The following CNTN5 variants were observed in gnomAD, a reference collection of about 807,000 sequenced individuals.
The protein encoded by CNTN5 is contactin 5, also known as contactin-5.
A neutral mutation model predicts 129.1 loss-of-function variants in CNTN5; 77 were observed. The observed-to-expected ratio is 0.60, with a 90% CI of 0.50 to 0.72. The LOEUF (loss-of-function observed/expected upper bound fraction) is 0.72, where lower values mean the gene tolerates loss of function less well. Ranked by LOEUF, CNTN5 falls within the 30% of genes least tolerant of loss-of-function variation. The pLI, the probability that CNTN5 is intolerant of heterozygous loss-of-function variation, is 0.00. For synonymous variants in CNTN5, 509 were observed against 465.6 expected (o/e 1.09, Z -1.20); for missense variants, 1,478 against 1,328.8 (o/e 1.11, Z -1.75).
intron 7 of CNTN5, among the ~76,000 whole-genome samples, chr11:99,935,599 G>T (rs940586632): frequency 3.0e-4 from 45 of 151,982 alleles, no homozygotes; most frequent in African/African-American, 1.0e-3. Context: ...TGTGTGTGTT[G>T]TGTATATATT....
chr11:100,262,611 T>TA (rs1950223184), intron 17 of CNTN5, among the ~76,000 whole-genome samples: 1 of 152,072 alleles, frequency 6.6e-6, no homozygotes, highest in African/African-American at 2.4e-5. Context: ...TATGCAGCCA[T>TA]AAAAAAGGAT....
chr11:99,770,369 A>C (rs118123807), intron 3 of CNTN5, among the ~76,000 whole-genome samples: 5,199 of 152,154 alleles, frequency 0.034, 134 homozygotes, highest in South Asian at 0.1. Flanking sequence ...GATCATTTTC[A>C]TTAGCATATA....
chr11:99,087,461 G>T (rs1288663922), intron 1 of CNTN5, among the ~76,000 whole-genome samples: 1 of 152,158 alleles, frequency 6.6e-6, no homozygotes, highest in Non-Finnish European at 1.5e-5. Context: ...AGATTTTTGT[G>T]ATAAACAGTA....
In CNTN5 at chr11:99,668,610, A is replaced by T. The variant is rs978765921; in HGVS notation, c.55+112341A>T. On this transcript the variant is annotated intron_variant, in intron 3 of 24. Coordinates refer to ENST00000524871, the MANE Select transcript of CNTN5 (RefSeq NM_014361.4). ...ACTACTAGTTATCGCTACCACATTT[A>T]TTATACTCTCAGACGGTTTTCATAT... Among the ~76,000 whole-genome samples, 9 of 152,180 alleles carry T rather than the reference A, an allele frequency of 5.9e-5. 1 individual carries two copies. Among genetic ancestry groups the T allele is most frequent in the Non-Finnish European group, 1.3e-4 (9 of 68,026 alleles).
At chr11:100,289,841 G>C (rs1260929029) in intron 18 of CNTN5, among the ~76,000 whole-genome samples, 1 of 150,072 alleles carries the variant, frequency 6.7e-6, no homozygotes, top group Non-Finnish European at 1.5e-5. Context: ...CAGATGACAT[G>C]ATTGTATATC....
intron 2 of CNTN5, among the ~76,000 whole-genome samples, chr11:99,466,211 G>A (rs1591108745): frequency 6.6e-6 from 1 of 151,988 alleles, no homozygotes; most frequent in Middle Eastern, 3.4e-3. Context: ...CATATCACAT[G>A]AGAACTCACT....
rs1260506767 is a variant in CNTN5 at position 99,380,700 on chromosome 11, G to A, written c.-71+55216G>A. On this transcript the variant is annotated intron_variant, in intron 2 of 24. Transcript: ENST00000524871. ...GGAGAATCACTTGAACCCGGGAGGT[G>A]GAGGTTGCAGTGAGCCAAGATCACA... is the stretch of plus-strand genomic sequence containing the variant. 6.1e-5 allele frequency among the ~76,000 whole-genome samples: 9 copies of A among 147,018 alleles called. 1 individual carries two copies. Among genetic ancestry groups the A allele is most frequent in the African/African-American group, 2.3e-4 (9 of 39,362 alleles).
At chr11:99,191,395 T>A (rs961867750) in intron 1 of CNTN5, among the ~76,000 whole-genome samples, 3 of 151,602 alleles carry the variant, frequency 2.0e-5, no homozygotes, top group African/African-American at 7.3e-5. Context: ...TGGAAGAGTT[T>A]GAGAGAGAGT....
intron 3 of CNTN5, among the ~76,000 whole-genome samples, chr11:99,560,342 C>T (rs985539311): frequency 6.6e-6 from 1 of 151,320 alleles, no homozygotes; most frequent in Non-Finnish European, 1.5e-5. Context: ...TCCCAGGCTG[C>T]AGTGCAGTGA....
intron 8 of CNTN5, among the ~76,000 whole-genome samples, chr11:100,000,352 C>A (rs1680964703): frequency 6.6e-6 from 1 of 152,164 alleles, no homozygotes; most frequent in South Asian, 2.1e-4. Flanking sequence ...AGGCCACATG[C>A]ACATACAAAA....
chr11:99,068,921 A>C (rs1196151759), intron 1 of CNTN5, among the ~76,000 whole-genome samples: 1 of 152,114 alleles, frequency 6.6e-6, no homozygotes, highest in Non-Finnish European at 1.5e-5. Flanking sequence ...AAGTGAATAA[A>C]TGGAAGAGGA....
chr11:100,043,646 C>T (rs193112428), intron 9 of CNTN5, among the ~76,000 whole-genome samples: 353 of 152,206 alleles, frequency 2.3e-3, no homozygotes, highest in Middle Eastern at 3.4e-3. Flanking sequence ...TCTGTGTGTT[C>T]ATGTACATGG....
chr11:99,627,218 G>A (rs1012311605), intron 3 of CNTN5, among the ~76,000 whole-genome samples: 5 of 152,128 alleles, frequency 3.3e-5, no homozygotes, highest in Non-Finnish European at 5.9e-5. Context: ...GATTCTAGCA[G>A]CTATATCCCT....
intron 1 of CNTN5, among the ~76,000 whole-genome samples, chr11:99,185,945 TTAAGGAGAGG>T: frequency 7.2e-6 from 1 of 139,696 alleles, no homozygotes; most frequent in Non-Finnish European, 1.5e-5. Flanking sequence ...CCCATCAAAA[TTAAGGAGAGG>T]AAATAAAATA....
At chr11:99,123,800 G>A in intron 1 of CNTN5, among the ~76,000 whole-genome samples, 1 of 151,954 alleles carries the variant, frequency 6.6e-6, no homozygotes, top group Admixed American at 6.6e-5. Context: ...TTATTGAATA[G>A]GGAGTTCTTT....
intron 6 of CNTN5, among the ~76,000 whole-genome samples, chr11:99,857,190 A>G (rs1324399719): frequency 1.3e-5 from 2 of 152,104 alleles, no homozygotes; most frequent in Non-Finnish European, 2.9e-5. Context: ...GGCTGAAGCC[A>G]TTCCAAGCAC....
chr11:99,488,390 C>T (rs1322569334), intron 2 of CNTN5, among the ~76,000 whole-genome samples: 2 of 152,012 alleles, frequency 1.3e-5, no homozygotes, highest in Non-Finnish European at 2.9e-5. Flanking sequence ...TCAGGCTGGT[C>T]TCGAACTCCT....
At chr11:99,963,176 G>C (rs1420611553) in intron 8 of CNTN5, among the ~76,000 whole-genome samples, 2 of 152,144 alleles carry the variant, frequency 1.3e-5, no homozygotes, top group Admixed American at 6.6e-5. Context: ...GATCCCATTT[G>C]TCAATTTTGG....
intron 1 of CNTN5, among the ~76,000 whole-genome samples, chr11:99,236,711 T>C (rs2126253): frequency 0.13 from 20,314 of 152,176 alleles, 1,383 homozygotes; most frequent in African/African-American, 0.17. Context: ...ATGGAGAGAA[T>C]TATTGCAACC....
Sources: allele counts gnomAD v4.1 joint callset (sites outside exome capture counted in the v4.1 genomes callset), GRCh38; gene constraint gnomAD v4.1.1; transcripts MANE v1.5; gene names NCBI Gene and HGNC (gene_info 2026-07-23, HGNC 2026-07-21).